Variants in CDYL2 observed in about 807,000 individuals in gnomAD.
The protein encoded by CDYL2 is chromodomain Y like 2.
A neutral mutation model predicts 49.4 loss-of-function variants in CDYL2; 23 were observed. The ratio of observed to expected loss-of-function variants is 0.47; its 90% CI spans 0.34 to 0.66. CDYL2 has a LOEUF of 0.66. CDYL2 is among the 30% of genes least tolerant of loss of function. CDYL2 has a pLI of 0.01. For missense variants in CDYL2, 678 were observed against 656.4 expected, an observed-to-expected ratio of 1.03 and a Z score of -0.36; for synonymous variants, 360 against 268.8, an observed-to-expected ratio of 1.34 and a Z score of -3.32.
At chr16:80,710,156 T>C (rs762428397) in intron 1 of CDYL2, among the ~76,000 whole-genome samples, 12 of 152,184 alleles carry the variant, frequency 7.9e-5, no homozygotes, top group Non-Finnish European at 1.8e-4. Flanking sequence ...CTCGAACTCC[T>C]GACCTCGTGA....
At chr16:80,682,418 C>T (rs1910003062) in intron 2 of CDYL2, among the ~76,000 whole-genome samples, 1 of 152,194 alleles carries the variant, frequency 6.6e-6, no homozygotes, top group South Asian at 2.1e-4. Context: ...CATGCCTTAT[C>T]ACCAGGTCAT....
chr16:80,706,748 T>C (rs773231701), intron 1 of CDYL2, among the ~76,000 whole-genome samples: 1 of 152,132 alleles, frequency 6.6e-6, no homozygotes, highest in Non-Finnish European at 1.5e-5. Flanking sequence ...ACAAAGGAAG[T>C]AGAGGCAGGT....
At chr16:80,712,435 G>A (rs1184112215) in intron 1 of CDYL2, among the ~76,000 whole-genome samples, 3 of 151,818 alleles carry the variant, frequency 2.0e-5, no homozygotes, top group Non-Finnish European at 4.4e-5. Flanking sequence ...GTCCCTGGCT[G>A]CTCTCCATGT....
At chr16:80,750,068 C>T (rs1906078034) in intron 1 of CDYL2, among the ~76,000 whole-genome samples, 1 of 151,130 alleles carries the variant, frequency 6.6e-6, no homozygotes. Context: ...GGGAACATCA[C>T]ACACCGGGGC....
intron 1 of CDYL2, among the ~76,000 whole-genome samples, chr16:80,709,188 C>T (rs965407677): frequency 1.3e-5 from 2 of 152,006 alleles, no homozygotes; most frequent in African/African-American, 4.8e-5. Context: ...TCAAGACCAC[C>T]CTGGCCAACA....
intron 1 of CDYL2, among the ~76,000 whole-genome samples, chr16:80,715,136 A>C (rs1904753757): frequency 6.6e-6 from 1 of 152,160 alleles, no homozygotes; most frequent in Admixed American, 6.5e-5. Flanking sequence ...GTACACAAGC[A>C]GAACTTCGAC....
intron 2 of CDYL2, among the ~76,000 whole-genome samples, chr16:80,663,643 A>C (rs1909140547): frequency 6.6e-6 from 1 of 151,960 alleles, no homozygotes; most frequent in South Asian, 2.1e-4. Flanking sequence ...CCCAGGCTGG[A>C]GTGCAGTGGC....
At chr16:80,713,315 G>A (rs1333118562) in intron 1 of CDYL2, among the ~76,000 whole-genome samples, 1 of 152,216 alleles carries the variant, frequency 6.6e-6, no homozygotes, top group African/African-American at 2.4e-5. Flanking sequence ...CATTGTGGGA[G>A]AAGTCTGCAA....
At chr16:80,705,019 C>T (rs13380627) in intron 1 of CDYL2, among the ~76,000 whole-genome samples, 5,248 of 152,232 alleles carry the variant, frequency 0.034, 106 homozygotes, top group East Asian at 0.097. Context: ...TAGGTGAGTT[C>T]CTCGTGGGCA....
At chr16:80,611,208 G>A (rs998268963) in intron 5 of CDYL2, among the ~76,000 whole-genome samples, 1 of 152,128 alleles carries the variant, frequency 6.6e-6, no homozygotes, top group African/African-American at 2.4e-5. Context: ...TGAAGAGCAG[G>A]GTTTTTGTTC....
chr16:80,603,161 C>G lies in CDYL2; in HGVS notation c.*1227G>C, dbSNP rs1200848595. On this transcript the variant is annotated 3_prime_UTR_variant, in exon 7 of 7. Transcript: ENST00000570137. ...TCCAGACAGCTCAGCAGAGTGGGAA[C>G]TCTTCCCCATCCCCCTGGCCAATAC... 1 of 152,262 alleles carries G rather than the reference C, an allele frequency of 6.6e-6. No individual in the cohort carries two copies. Among genetic ancestry groups the G allele is most frequent in the Non-Finnish European group, 1.5e-5 (1 of 68,074 alleles). 9.4% of individuals were successfully genotyped at this position (152,262 alleles called of 1,614,324 possible). A position where few individuals can be genotyped will look rare whatever the true frequency, so the allele number is the denominator to read the frequency against.
chr16:80,636,457 C>T (rs1359040602), intron 2 of CDYL2, among the ~76,000 whole-genome samples: 1 of 152,158 alleles, frequency 6.6e-6, no homozygotes, highest in Non-Finnish European at 1.5e-5. Flanking sequence ...TGAAAAAAAG[C>T]TCATCATCAC....
At chr16:80,765,440 G>C (rs536973081) in intron 1 of CDYL2, among the ~76,000 whole-genome samples, 3 of 151,552 alleles carry the variant, frequency 2.0e-5, no homozygotes, top group Admixed American at 2.0e-4. Context: ...AACATAAAAA[G>C]CATACAAATA....
chr16:80,598,363 T>G lies in CDYL2; in HGVS notation c.*6025A>C, dbSNP rs370578514. The G allele has an allele frequency of 8.5e-5, 13 of 152,280 alleles. No homozygotes were observed. Among genetic ancestry groups the G allele is most frequent in the African/African-American group, 3.1e-4 (13 of 41,562 alleles). The allele number at this position is 152,280 out of a possible 1,614,324, so 9.4% of individuals were successfully genotyped here. A position where few individuals can be genotyped will look rare whatever the true frequency, so the allele number is the denominator to read the frequency against. The stretch of plus-strand genomic sequence containing the variant: ...GTAGCCTGCTTCATTATCGGAAGTT[T>G]GGTAATAAGCCTTACCAATAGAATA... On this transcript the variant is annotated 3_prime_UTR_variant, in exon 7 of 7. Coordinates refer to ENST00000570137, the MANE Select transcript of CDYL2 (RefSeq NM_152342.4).
intron 1 of CDYL2, among the ~76,000 whole-genome samples, chr16:80,764,202 A>T (rs28434178): frequency 0.14 from 22,062 of 152,232 alleles, 2,051 homozygotes; most frequent in African/African-American, 0.25. Flanking sequence ...TATATTTCAG[A>T]AACAGCATCT....
chr16:80,768,703 A>C (rs1468232677), intron 1 of CDYL2, among the ~76,000 whole-genome samples: 1 of 152,162 alleles, frequency 6.6e-6, no homozygotes, highest in Non-Finnish European at 1.5e-5. Context: ...GATGAGAAGG[A>C]AGTAATCTGG....
At chr16:80,604,924 T>C (rs1906264526) in intron 6 of CDYL2, among the ~76,000 whole-genome samples, 1 of 152,192 alleles carries the variant, frequency 6.6e-6, no homozygotes, top group South Asian at 2.1e-4. Context: ...AACTCAAGGA[T>C]CACTGAGAAC....
rs1272201038 is a variant in CDYL2, at chr16:80,601,898, T to C, written c.*2490A>G. ...AGAGATCCTTGAAATGTTTAGAAGT[T>C]TGGATTTGATAGTACATCCAAAGCT... On this transcript the variant is annotated 3_prime_UTR_variant, in exon 7 of 7. Transcript: ENST00000570137. The C allele has an allele frequency of 2.0e-5, 3 of 152,208 alleles. No individual in the cohort carries two copies. The highest frequency in any genetic ancestry group is 7.2e-5 in the African/African-American group (3 of 41,436). 9.4% of individuals were successfully genotyped at this position (152,208 alleles called of 1,614,324 possible). A position where few individuals can be genotyped will look rare whatever the true frequency, so the allele number is the denominator to read the frequency against.
At chr16:80,717,450 T>C (rs1169440254) in intron 1 of CDYL2, among the ~76,000 whole-genome samples, 2 of 152,184 alleles carry the variant, frequency 1.3e-5, no homozygotes, top group Non-Finnish European at 2.9e-5. Context: ...ACACAGCCAC[T>C]GCCACCAGGG....
Sources: gnomAD v4.1 joint callset for allele counts (sites outside exome capture counted in the v4.1 genomes callset) on GRCh38, gnomAD v4.1.1 for gene constraint, MANE v1.5 for transcripts, NCBI Gene and HGNC (gene_info 2026-07-23, HGNC 2026-07-21) for gene names.